The following IQCH variants were observed in gnomAD, a reference collection of about 807,000 sequenced individuals.
IQCH encodes the protein IQ domain-containing protein H.
IQCH carries 98 observed loss-of-function variants against 117.0 expected under a neutral mutation model. The observed-to-expected ratio is 0.84, with a 90% confidence interval of 0.71 to 0.99. IQCH has a LOEUF of 0.99. IQCH is among the 50% of genes least tolerant of loss of function. The pLI, the probability that IQCH is intolerant of heterozygous loss-of-function variation, is 0.00. For synonymous variants in IQCH, 412 were observed against 448.2 expected (o/e 0.92, Z 1.02); for missense variants, 1,102 against 1,243.8 (o/e 0.89, Z 1.72).
At chr15:67,428,784 G>A (rs945059549) in intron 16 of IQCH, among the ~76,000 whole-genome samples, 3 of 151,642 alleles carry the variant, frequency 2.0e-5, no homozygotes, top group South Asian at 2.1e-4. Flanking sequence ...GGGTGGTGGA[G>A]GTTGCAGTGA....
In IQCH at chr15:67,472,224, C is replaced by G. The variant is rs193157065; in HGVS notation, c.2677-3472C>G. Among the ~76,000 whole-genome samples the G allele has an allele frequency of 3.2e-4, 49 of 152,220 alleles. No individual in the cohort carries two copies. The highest frequency in any genetic ancestry group is 5.9e-4 in the Admixed American group (9 of 15,288). ...GGAGGACGTCCCCTAGCAGATGGGACAGAGTCCAAAGAAACCTGTGGTCTG... is the reference window on the plus strand; with the variant it reads ...GGAGGACGTCCCCTAGCAGATGGGAGAGAGTCCAAAGAAACCTGTGGTCTG... On this transcript the variant is annotated intron_variant, in intron 17 of 20. Coordinates refer to ENST00000335894, the MANE Select transcript of IQCH (RefSeq NM_001031715.3). This position sits in a 1 kb window ranked among gnomAD's most constrained non-coding sequence, Gnocchi z 4.3.
rs922724350 is a variant in IQCH, at chr15:67,424,497, T to A, written c.2505+2920T>A. Reference sequence around the variant, plus strand: ...TCCTCCTATTAATTGTAAGCTCTTTTAAGCGATGTGCTGTGTTTCTTTTTG... The same window carrying A: ...TCCTCCTATTAATTGTAAGCTCTTTAAAGCGATGTGCTGTGTTTCTTTTTG... On this transcript the variant is annotated intron_variant, in intron 16 of 20. Coordinates refer to ENST00000335894, the MANE Select transcript of IQCH (RefSeq NM_001031715.3). The surrounding 1 kb of genome is among the most constrained non-coding windows in gnomAD (Gnocchi z 4.9). Among the ~76,000 whole-genome samples, 2 of 152,242 alleles carry A rather than the reference T, an allele frequency of 1.3e-5. No individual in the cohort carries two copies. Among genetic ancestry groups the A allele is most frequent in the Non-Finnish European group, 2.9e-5 (2 of 68,046 alleles).
rs1291337289 is a variant in IQCH at position 67,393,297 on chromosome 15, C to T, written c.1633-1994C>T. On this transcript the variant is annotated intron_variant, in intron 12 of 20. Transcript: ENST00000335894. The surrounding 1 kb of genome is among the most constrained non-coding windows in gnomAD (Gnocchi z 5.5). ...TTCTCCCCAGTCTAGTTCTCTTTCT[C>T]CCATACTCAGGAGTTATACTCTCCG... Among the ~76,000 whole-genome samples, 1 of 152,152 alleles carries T rather than the reference C, an allele frequency of 6.6e-6. No homozygotes were observed. Among genetic ancestry groups the T allele is most frequent in the Non-Finnish European group, 1.5e-5 (1 of 68,028 alleles).
chr15:67,460,612 T>C lies in IQCH; in HGVS notation c.2506-4515T>C, dbSNP rs370333639. Among the ~76,000 whole-genome samples, 13 of 152,326 alleles carry C rather than the reference T, an allele frequency of 8.5e-5. No individual in the cohort carries two copies. The East Asian group carries it at 2.1e-3, about 25-fold the overall frequency. On this transcript the variant is annotated intron_variant, in intron 16 of 20. Coordinates refer to ENST00000335894, the MANE Select transcript of IQCH (RefSeq NM_001031715.3). ...ATTCCTTGTGCTCTTAAGACCTTAATATAAATCTCTCTAGCATTCTAACCA... is the reference window on the plus strand; with the variant it reads ...ATTCCTTGTGCTCTTAAGACCTTAACATAAATCTCTCTAGCATTCTAACCA...
chr15:67,306,884 C>T, intron 4 of IQCH: 1 of 1,520,314 alleles, frequency 6.6e-7, no homozygotes, highest in Admixed American at 2.0e-5. Flanking sequence ...CATGTTCCCT[C>T]ACTGACATCC....
rs1970757094 is a variant in IQCH, at chr15:67,376,988, G to C, written c.1372+3555G>C. The stretch of plus-strand genomic sequence containing the variant: ...AAAAATTAGCTGGGTGTGGTGGCAC[G>C]CACCTGTAGTCCCAGCTACTCAGGA... On this transcript the variant is annotated intron_variant, in intron 10 of 20. Coordinates refer to ENST00000335894, the MANE Select transcript of IQCH (RefSeq NM_001031715.3). The surrounding 1 kb of genome is among the most constrained non-coding windows in gnomAD (Gnocchi z 5.0). Among the ~76,000 whole-genome samples the C allele has an allele frequency of 6.6e-6, 1 of 151,774 alleles. No homozygotes were observed.
intron 16 of IQCH, among the ~76,000 whole-genome samples, chr15:67,451,324 A>G (rs1411115989): frequency 2.0e-5 from 3 of 151,706 alleles, no homozygotes; most frequent in South Asian, 4.2e-4. Flanking sequence ...TTAGGGTGTC[A>G]ATTTTAGATC....
rs915233784 is a variant in IQCH at position 67,453,073 on chromosome 15, C to T, written c.2506-12054C>T. On this transcript the variant is annotated intron_variant, in intron 16 of 20. Transcript: ENST00000335894. This position sits in a 1 kb window ranked among gnomAD's most constrained non-coding sequence, Gnocchi z 5.8. The stretch of plus-strand genomic sequence containing the variant: ...GCTCTCGTGCCTTGGTTTTCAGCTC[C>T]ATCAGGTCCTTTAAGGACTTCTCTG... Among the ~76,000 whole-genome samples, 1 of 152,224 alleles carries T rather than the reference C, an allele frequency of 6.6e-6. No individual in the cohort carries two copies. The highest frequency in any genetic ancestry group is 2.4e-5 in the African/African-American group (1 of 41,458).
At chr15:67,358,607 T>C (rs372140802) in intron 7 of IQCH, among the ~76,000 whole-genome samples, 110 of 152,332 alleles carry the variant, frequency 7.2e-4, no homozygotes, top group African/African-American at 2.5e-3. Flanking sequence ...CTTAGGTTTA[T>C]GGACTGCAGA....
At chr15:67,371,336 C>T in intron 8 of IQCH, 1 of 503,638 alleles carries the variant, frequency 2.0e-6, no homozygotes, top group South Asian at 6.6e-5. Flanking sequence ...TAGAAATTTA[C>T]CAATTATAAA....
rs1301605972 is a variant in IQCH, at chr15:67,390,564, C to T, written c.1632+1558C>T. ...AATGCAGTGGTGTGATCTCAGCTGA[C>T]TGCAACCTCTGCCTCCCAGGTTCAA... On this transcript the variant is annotated intron_variant, in intron 12 of 20. Transcript: ENST00000335894. The surrounding 1 kb of genome is among the most constrained non-coding windows in gnomAD (Gnocchi z 5.0). 6.6e-6 allele frequency among the ~76,000 whole-genome samples: 1 copy of T among 152,156 alleles called. No homozygotes were observed. Among genetic ancestry groups the T allele is most frequent in the Non-Finnish European group, 1.5e-5 (1 of 68,026 alleles).
intron 4 of IQCH, among the ~76,000 whole-genome samples, chr15:67,281,341 CAT>C (rs1966348215): frequency 6.6e-6 from 1 of 152,142 alleles, no homozygotes; most frequent in Non-Finnish European, 1.5e-5. Context: ...GTTTATTTAA[CAT>C]GTATACACAG....
At chr15:67,322,257 A>G (rs2140602912) in intron 4 of IQCH, among the ~76,000 whole-genome samples, 1 of 152,224 alleles carries the variant, frequency 6.6e-6, no homozygotes, top group East Asian at 1.9e-4. Context: ...TTCCTCTCTC[A>G]TAGTTCTTTT....
At chr15:67,352,738 T>C (rs1236414040) in intron 6 of IQCH, among the ~76,000 whole-genome samples, 1 of 152,070 alleles carries the variant, frequency 6.6e-6, no homozygotes, top group African/African-American at 2.4e-5. Context: ...GTCTTTTGTG[T>C]TCTACAGGTT....
chr15:67,482,232 G>A (rs184285156), intron 18 of IQCH, among the ~76,000 whole-genome samples: 1 of 151,808 alleles, frequency 6.6e-6, no homozygotes, highest in African/African-American at 2.4e-5. Flanking sequence ...TCCCACCAAA[G>A]GATAGGGGCC....
intron 6 of IQCH, among the ~76,000 whole-genome samples, chr15:67,344,989 T>C (rs528359310): frequency 1.2e-4 from 19 of 152,306 alleles, no homozygotes; most frequent in African/African-American, 3.6e-4. Flanking sequence ...AATGTATTTA[T>C]TTTTATTTAT....
chr15:67,400,158 AC>A lies in IQCH; in HGVS notation c.1951del (p.Gln651SerfsTer25). ...SQLITDHLQI[Q>X]RWLFKMDSEF... ...AGCTGATAACTGATCACCTGCAAAT[AC>A]AGCGTTGGCTCTTTAAAATGGACTC... On this transcript the variant is annotated frameshift_variant, in exon 14 of 21. Coordinates refer to ENST00000335894, the MANE Select transcript of IQCH (RefSeq NM_001031715.3). LOFTEE classifies it high-confidence loss of function. 2 of 1,613,912 alleles carry A rather than the reference AC, an allele frequency of 1.2e-6. No individual in the cohort carries two copies. Among genetic ancestry groups the A allele is most frequent in the Non-Finnish European group, 1.7e-6 (2 of 1,179,896 alleles).
chr15:67,278,934 C>T (rs1296484470), intron 3 of IQCH, among the ~76,000 whole-genome samples: 2 of 152,070 alleles, frequency 1.3e-5, no homozygotes, highest in African/African-American at 2.4e-5. Context: ...AATGTTTAAC[C>T]ACCTTTGATA....
intron 14 of IQCH, among the ~76,000 whole-genome samples, chr15:67,410,379 T>C (rs1001990832): frequency 6.6e-6 from 1 of 152,236 alleles, no homozygotes; most frequent in African/African-American, 2.4e-5. Flanking sequence ...ACTTTCCACT[T>C]CTGTATACTA....
Sources: allele counts gnomAD v4.1 joint callset (sites outside exome capture counted in the v4.1 genomes callset), GRCh38; gene constraint gnomAD v4.1.1; non-coding constraint Gnocchi (gnomAD v3.1); transcripts MANE v1.5; gene names NCBI Gene and HGNC (gene_info 2026-07-23, HGNC 2026-07-21).